The following SLC35D4 variants were observed in gnomAD, a reference collection of about 807,000 sequenced individuals.
SLC35D4 encodes UDP-N-acetylglucosamine transporter SLC35D4.
chr18:23,259,516 C>T, the SLC35D4 span: 1 of 152,202 alleles, frequency 6.6e-6, no homozygotes, highest in African/African-American at 2.4e-5. Flanking sequence ...GATGCATTTT[C>T]ATTTTAAACT....
the SLC35D4 span, among the ~76,000 whole-genome samples, chr18:23,353,076 A>AGTGTGTGTGTGGGTGTGTGT: frequency 7.9e-6 from 1 of 126,524 alleles, no homozygotes; most frequent in Non-Finnish European, 1.7e-5. Context: ...TGAGACAGAC[A>AGTGTGTGTGTGGGTGTGTGT]GTGTGTGTGT....
chr18:23,371,926 G>GTTTTTT, the SLC35D4 span, among the ~76,000 whole-genome samples: 14 of 11,862 alleles, frequency 1.2e-3, 1 homozygote, highest in Admixed American at 9.0e-3. Flanking sequence ...TTTCTTCCTT[G>GTTTTTT]TTTTTTTTGT....
chr18:23,250,077 T>C, the SLC35D4 span, among the ~76,000 whole-genome samples: 1 of 152,132 alleles, frequency 6.6e-6, no homozygotes. Flanking sequence ...TATCTACAAA[T>C]AAGATGGAGC....
At chr18:23,353,072 A>G in the SLC35D4 span, among the ~76,000 whole-genome samples, 1 of 78,828 alleles carries the variant, frequency 1.3e-5, no homozygotes, top group South Asian at 4.1e-4. Flanking sequence ...GAGGTGAGAC[A>G]GACAGTGTGT....
At chr18:23,259,439 G>GTGA in the SLC35D4 span, 2 of 152,206 alleles carry the variant, frequency 1.3e-5, no homozygotes, top group African/African-American at 2.4e-5. Context: ...TGGATTTGGG[G>GTGA]TGATTTGTTT....
chr18:23,288,081 C>A, the SLC35D4 span, among the ~76,000 whole-genome samples: 2 of 152,242 alleles, frequency 1.3e-5, no homozygotes, highest in African/African-American at 4.8e-5. Context: ...GAGTCTCCCA[C>A]AATTACTATT....
At chr18:23,350,720 G>T in the SLC35D4 span, among the ~76,000 whole-genome samples, 40,257 of 151,890 alleles carry the variant, frequency 0.27, 5,820 homozygotes, top group East Asian at 0.4. Flanking sequence ...GCACCACCGA[G>T]TTGGCCTATT....
At chr18:23,331,759 G>A in the SLC35D4 span, among the ~76,000 whole-genome samples, 1 of 151,924 alleles carries the variant, frequency 6.6e-6, no homozygotes, top group Non-Finnish European at 1.5e-5. Flanking sequence ...AATCCCCTCT[G>A]TGGCCATGTG....
At chr18:23,265,226 G>A in the SLC35D4 span, among the ~76,000 whole-genome samples, 1 of 152,204 alleles carries the variant, frequency 6.6e-6, no homozygotes, top group Non-Finnish European at 1.5e-5. Flanking sequence ...AGAAATGAGA[G>A]AGCAGGAGGA....
At chr18:23,411,966 GA>G in the SLC35D4 span, among the ~76,000 whole-genome samples, 1 of 152,176 alleles carries the variant, frequency 6.6e-6, no homozygotes, top group African/African-American at 2.4e-5. Context: ...CTGAATTTTT[GA>G]AAATTCTATG....
chr18:23,395,974 C>T, the SLC35D4 span, among the ~76,000 whole-genome samples: 1 of 152,214 alleles, frequency 6.6e-6, no homozygotes, highest in African/African-American at 2.4e-5. Flanking sequence ...CTGCCCCATC[C>T]CTTTCAGTTC....
the SLC35D4 span, among the ~76,000 whole-genome samples, chr18:23,283,532 A>C: frequency 6.6e-6 from 1 of 151,388 alleles, no homozygotes; most frequent in African/African-American, 2.4e-5. Context: ...AAAGTAGGCT[A>C]GGCACAGTGG....
chr18:23,353,317 A>C, the SLC35D4 span, among the ~76,000 whole-genome samples: 1 of 152,042 alleles, frequency 6.6e-6, no homozygotes, highest in African/African-American at 2.4e-5. Context: ...CTTCCATCTG[A>C]CCTTATACAG....
At chr18:23,284,798 C>T in the SLC35D4 span, among the ~76,000 whole-genome samples, 1 of 152,260 alleles carries the variant, frequency 6.6e-6, no homozygotes, top group Non-Finnish European at 1.5e-5. Context: ...TACCTTCCCT[C>T]TCATTCCTGG....
At chr18:23,411,505 G>GAAAGAA in the SLC35D4 span, among the ~76,000 whole-genome samples, 2 of 148,320 alleles carry the variant, frequency 1.3e-5, no homozygotes, top group Non-Finnish European at 3.0e-5. Flanking sequence ...AAGAAAGAAA[G>GAAAGAA]AAAGAAAGAA....
the SLC35D4 span, among the ~76,000 whole-genome samples, chr18:23,419,764 A>G: frequency 6.6e-6 from 1 of 152,168 alleles, no homozygotes; most frequent in East Asian, 1.9e-4. Flanking sequence ...TATTGTATCA[A>G]TGTTAATATC....
chr18:23,319,904 GTTGA>G, the SLC35D4 span, among the ~76,000 whole-genome samples: 1 of 152,196 alleles, frequency 6.6e-6, no homozygotes, highest in Non-Finnish European at 1.5e-5. Flanking sequence ...TTTTTCTCTA[GTTGA>G]TTTTAAGATT....
the SLC35D4 span, among the ~76,000 whole-genome samples, chr18:23,272,473 A>C: frequency 1.3e-5 from 2 of 152,160 alleles, no homozygotes; most frequent in Non-Finnish European, 2.9e-5. Context: ...ACTTATTTTT[A>C]ATGGAATAAA....
the SLC35D4 span, among the ~76,000 whole-genome samples, chr18:23,291,060 C>T: frequency 6.6e-6 from 1 of 152,220 alleles, no homozygotes. Context: ...CTCAGTAGGT[C>T]TCAATATCTT....
Sources: gnomAD v4.1 joint callset for allele counts (sites outside exome capture counted in the v4.1 genomes callset) on GRCh38, gnomAD v4.1.1 for gene constraint, MANE v1.5 for transcripts, NCBI Gene and HGNC (gene_info 2026-07-23, HGNC 2026-07-21) for gene names.